ARMC3: variants seen among roughly 807,000 people sequenced by gnomAD.
The protein encoded by ARMC3 is armadillo repeat containing 3, also known as armadillo repeat-containing protein 3.
ARMC3 carries 74 observed loss-of-function variants against 90.3 expected under a neutral mutation model. The observed-to-expected ratio is 0.82, with a 90% CI of 0.68 to 0.99. ARMC3 has a LOEUF of 0.99. Ranked by LOEUF, ARMC3 falls within the 50% of genes least tolerant of loss-of-function variation. ARMC3 has a pLI of 0.00. For missense variants in ARMC3, 958 were observed against 1,042.8 expected (o/e 0.92, Z 1.12); for synonymous variants, 334 against 361.8 (o/e 0.92, Z 0.87).
chr10:22,978,272 C>T (rs980907942), intron 8 of ARMC3, among the ~76,000 whole-genome samples: 20 of 152,152 alleles, frequency 1.3e-4, no homozygotes, highest in Admixed American at 6.5e-4. Flanking sequence ...ACAGTTCTGC[C>T]GGGCTGGGGA....
At chr10:22,953,044 A>C (rs897662376) in intron 3 of ARMC3, among the ~76,000 whole-genome samples, 1 of 152,228 alleles carries the variant, frequency 6.6e-6, no homozygotes, top group Non-Finnish European at 1.5e-5. Context: ...TGAGGAGATT[A>C]CCTTGGATTA....
chr10:22,993,321 A>G (rs1186396460), intron 10 of ARMC3, among the ~76,000 whole-genome samples: 1 of 152,348 alleles, frequency 6.6e-6, no homozygotes, highest in East Asian at 1.9e-4. Context: ...AGAGAAGAAT[A>G]TATTCCCAAG....
intron 4 of ARMC3, among the ~76,000 whole-genome samples, chr10:22,957,975 T>C (rs1439816228): frequency 1.3e-5 from 2 of 152,140 alleles, no homozygotes; most frequent in Non-Finnish European, 2.9e-5. Flanking sequence ...GGTGGGAGGA[T>C]TGCTTGAGCT....
At chr10:22,956,132 C>T (rs1429561918) in intron 4 of ARMC3, among the ~76,000 whole-genome samples, 200 bp downstream of exon 4, 1 of 152,146 alleles carries the variant, frequency 6.6e-6, no homozygotes, top group Non-Finnish European at 1.5e-5. Context: ...CATGTGCAAG[C>T]ACATCCATGC....
intron 7 of ARMC3, among the ~76,000 whole-genome samples, chr10:22,963,885 TCTCACACA>T (rs1835311159): frequency 1.3e-5 from 1 of 75,742 alleles, no homozygotes; most frequent in South Asian, 5.3e-4. Context: ...CGAGACTCTG[TCTCACACA>T]CACACACACA....
At chr10:23,017,481 TTGAC>T (rs1167872441) in intron 16 of ARMC3, among the ~76,000 whole-genome samples, 1 of 152,120 alleles carries the variant, frequency 6.6e-6, no homozygotes, top group Non-Finnish European at 1.5e-5. Flanking sequence ...TAACAAGTGA[TTGAC>T]CGGGCATGGT....
At chr10:23,004,081 C>T (rs1226523172) in intron 13 of ARMC3, among the ~76,000 whole-genome samples, 1 of 150,922 alleles carries the variant, frequency 6.6e-6, no homozygotes, top group Non-Finnish European at 1.5e-5. Flanking sequence ...GCCCAGAGTT[C>T]GAGGATGTAG....
At chr10:23,014,355 C>T in intron 16 of ARMC3, 1 of 1,332,530 alleles carries the variant, frequency 7.5e-7, no homozygotes, top group East Asian at 2.9e-5. Context: ...AGCCTTTGGT[C>T]CATTGAGGGG....
At chr10:22,931,089 C>T (rs1035304739) in intron 1 of ARMC3, among the ~76,000 whole-genome samples, 2 of 152,060 alleles carry the variant, frequency 1.3e-5, no homozygotes, top group African/African-American at 2.4e-5. Context: ...CCACCACACC[C>T]GGCTAATTTT....
intron 2 of ARMC3, among the ~76,000 whole-genome samples, chr10:22,937,733 T>C (rs566680301): frequency 1.3e-5 from 2 of 152,290 alleles, no homozygotes; most frequent in East Asian, 3.9e-4. Context: ...CAGCAAACAG[T>C]ACACAGTTAA....
intron 18 of ARMC3, among the ~76,000 whole-genome samples, chr10:23,034,290 A>G (rs989321123): frequency 2.6e-5 from 4 of 152,216 alleles, no homozygotes; most frequent in African/African-American, 9.7e-5. Context: ...CAGTATATAA[A>G]GAGAAAATAT....
In ARMC3 at chr10:23,008,913, C is replaced by T. The variant is rs753753412; in HGVS notation, c.2027C>T (p.Thr676Ile). 52 of 1,612,508 alleles carry T rather than the reference C, an allele frequency of 3.2e-5. No homozygotes were observed. The highest frequency in any genetic ancestry group is 4.1e-5 in the Non-Finnish European group (48 of 1,179,268). Residue 676 changes from threonine to isoleucine, a missense_variant, in exon 16 of 19, where the codon ACC becomes ATC. Physicochemically the swap from Thr to Ile is moderately conservative, Grantham distance 89. Coordinates refer to ENST00000298032, the MANE Select transcript of ARMC3 (RefSeq NM_173081.5). ...AATACTGTTCTCAGCAAAAGCGCCA[C>T]CAAAGAAAAAGGATGGAGGTAAGAA... ...GRNTVLSKSA[T>I]KEKGWRKSKG...
At chr10:22,967,381 C>G (rs142171610) in intron 7 of ARMC3, among the ~76,000 whole-genome samples, 6 of 152,248 alleles carry the variant, frequency 3.9e-5, no homozygotes, top group African/African-American at 1.4e-4. Context: ...CCATATACCT[C>G]TTAAATCATA....
chr10:23,024,240 T>C (rs1409020722), intron 16 of ARMC3, among the ~76,000 whole-genome samples: 1 of 152,110 alleles, frequency 6.6e-6, no homozygotes, highest in Non-Finnish European at 1.5e-5. Context: ...TCTTCAGCAA[T>C]GAAGAAGACA....
chr10:22,974,506 GTTATT>G (rs1021980729), intron 8 of ARMC3, among the ~76,000 whole-genome samples: 2 of 152,068 alleles, frequency 1.3e-5, no homozygotes, highest in Admixed American at 6.5e-5. Context: ...TTTATAAACA[GTTATT>G]TTAAAGATAA....
intron 1 of ARMC3, among the ~76,000 whole-genome samples, chr10:22,930,613 G>A (rs1288825977): frequency 6.6e-6 from 1 of 152,174 alleles, no homozygotes; most frequent in African/African-American, 2.4e-5. Flanking sequence ...GTATCTAGGA[G>A]TTTCTATGAA....
intron 16 of ARMC3, among the ~76,000 whole-genome samples, chr10:23,027,626 T>C (rs1838763994): frequency 6.6e-6 from 1 of 152,234 alleles, no homozygotes; most frequent in Admixed American, 6.5e-5. Flanking sequence ...AGTAGATTTC[T>C]TTGGGTTTAC....
intron 7 of ARMC3, among the ~76,000 whole-genome samples, chr10:22,966,724 T>C (rs1055388644): frequency 1.3e-5 from 2 of 152,150 alleles, no homozygotes; most frequent in Non-Finnish European, 2.9e-5. Flanking sequence ...CTTACAATCA[T>C]AGCAGAAGGG....
chr10:22,966,656 T>C (rs943036447), intron 7 of ARMC3, among the ~76,000 whole-genome samples: 1 of 152,154 alleles, frequency 6.6e-6, no homozygotes, highest in African/African-American at 2.4e-5. Flanking sequence ...GGGTCATTTA[T>C]AAAGAAAAGA....
Sources: allele counts gnomAD v4.1 joint callset (sites outside exome capture counted in the v4.1 genomes callset), GRCh38; gene constraint gnomAD v4.1.1; transcripts MANE v1.5; gene names NCBI Gene and HGNC (gene_info 2026-07-23, HGNC 2026-07-21).